TYW1: variants seen among roughly 807,000 people sequenced by gnomAD.
TYW1 encodes the protein tRNA-yW synthesizing protein 1 homolog.
TYW1 carries 46 observed loss-of-function variants against 96.2 expected under a neutral mutation model. The observed-to-expected ratio is 0.48, with a 90% CI of 0.38 to 0.61. The LOEUF is 0.61. Ranked by LOEUF, TYW1 falls within the 20% of genes least tolerant of loss-of-function variation. The pLI, the probability that TYW1 is intolerant of heterozygous loss-of-function variation, is 0.00. For synonymous variants in TYW1, 274 were observed against 323.0 expected, an observed-to-expected ratio of 0.85 and a Z score of 1.63; for missense variants, 684 against 909.6, an observed-to-expected ratio of 0.75 and a Z score of 3.19.
chr7:67,180,936 G>T (rs1370102624), intron 13 of TYW1, among the ~76,000 whole-genome samples: 2 of 151,964 alleles, frequency 1.3e-5, no homozygotes, highest in East Asian at 3.8e-4. Flanking sequence ...GAGCCACTGC[G>T]TCCGGCCCCT....
At chr7:67,095,003 A>ATTTTT (rs71049498) in intron 11 of TYW1, among the ~76,000 whole-genome samples, 1 of 145,760 alleles carries the variant, frequency 6.9e-6, no homozygotes. Flanking sequence ...AAACTGCATG[A>ATTTTT]TTTTTTTTTT....
intron 3 of TYW1, among the ~76,000 whole-genome samples, chr7:67,008,808 G>C (rs1267490298): frequency 6.6e-6 from 1 of 152,024 alleles, no homozygotes; most frequent in Non-Finnish European, 1.5e-5. Context: ...GATTATAGGT[G>C]TGTGCCACCA....
At chr7:66,997,884 C>T (rs1793241924) in intron 1 of TYW1, among the ~76,000 whole-genome samples, 181 bp from the exon 2 acceptor site, 1 of 152,208 alleles carries the variant, frequency 6.6e-6, no homozygotes, top group Non-Finnish European at 1.5e-5. Context: ...CCGCCTCAGC[C>T]ACCCAAAGTG....
At chr7:67,033,848 C>T (rs544385528) in intron 7 of TYW1, among the ~76,000 whole-genome samples, 1 of 151,950 alleles carries the variant, frequency 6.6e-6, no homozygotes, top group African/African-American at 2.4e-5. Flanking sequence ...GCGCCTGCAA[C>T]CATGCCTGGC....
intron 13 of TYW1, among the ~76,000 whole-genome samples, chr7:67,165,756 C>T (rs1405257135): frequency 2.0e-5 from 3 of 151,734 alleles, no homozygotes; most frequent in East Asian, 1.9e-4. Flanking sequence ...AGCAAAACCT[C>T]GTCTCTACAA....
At chr7:67,077,754 CTATT>C (rs1239979511) in intron 10 of TYW1, among the ~76,000 whole-genome samples, 4 of 152,056 alleles carry the variant, frequency 2.6e-5, no homozygotes, top group African/African-American at 4.8e-5. Context: ...TGATATCATC[CTATT>C]TATTTGTTTT....
intron 13 of TYW1, among the ~76,000 whole-genome samples, chr7:67,132,386 A>G (rs1346884798): frequency 6.6e-6 from 1 of 152,144 alleles, no homozygotes; most frequent in Non-Finnish European, 1.5e-5. Flanking sequence ...CTGGGATTAC[A>G]GACGTGATCT....
At position 67,024,914 on chromosome 7, in the gene TYW1, T is replaced by C. The variant is rs1398536504; in HGVS notation, c.876T>C (p.Phe292=). 2.5e-6 allele frequency: 4 copies of C among 1,613,862 alleles called. No homozygotes were observed. Among genetic ancestry groups the C allele is most frequent in the Admixed American group, 3.3e-5 (2 of 59,990 alleles). ...HHRDTEEEEP[F]ESSSEEEFGG... Reference sequence around the variant, plus strand: ...TTCTCTTCCAGGAGGAAGAACCCTTTGAGAGCTCCAGTGAAGAAGAGTTTG... The same window carrying C: ...TTCTCTTCCAGGAGGAAGAACCCTTCGAGAGCTCCAGTGAAGAAGAGTTTG... The change falls in exon 7 of 16, where the codon TTT becomes TTC. Residue 292 remains phenylalanine (F), a synonymous_variant. Transcript: ENST00000359626.
Position 66,996,869 on chromosome 7 carries a change from C to T in TYW1, c.-110C>T. ...ATGGCTGCCCACAGGTCTGCAGGCA[C>T]TCGGTACGCCGCTAACGCGGCGAGG... is the stretch of plus-strand genomic sequence containing the variant. On this transcript the variant is annotated 5_prime_UTR_variant, in exon 1 of 16. Coordinates refer to ENST00000359626, the MANE Select transcript of TYW1 (RefSeq NM_018264.4). 1.3e-6 allele frequency: 2 copies of T among 1,582,220 alleles called. No homozygotes were observed. The highest frequency in any genetic ancestry group is 1.7e-6 in the Non-Finnish European group (2 of 1,163,042).
chr7:67,103,791 A>G (rs1283343705), intron 12 of TYW1, among the ~76,000 whole-genome samples: 1 of 152,236 alleles, frequency 6.6e-6, no homozygotes, highest in Non-Finnish European at 1.5e-5. Context: ...TTTATACAGC[A>G]AGTCAGCTCA....
chr7:67,185,621 G>A (rs1799994146), intron 14 of TYW1, among the ~76,000 whole-genome samples: 1 of 152,072 alleles, frequency 6.6e-6, no homozygotes, highest in Admixed American at 6.6e-5. Flanking sequence ...ACATATTTGG[G>A]GAGAAATGTT....
At chr7:67,087,589 C>T (rs13309864) in intron 11 of TYW1, among the ~76,000 whole-genome samples, 10 of 145,722 alleles carry the variant, frequency 6.9e-5, no homozygotes, top group African/African-American at 1.6e-4. Flanking sequence ...ATTCCTACAA[C>T]GGATTTTTTT....
chr7:67,027,712 C>T (rs1387280226), intron 7 of TYW1, among the ~76,000 whole-genome samples: 17 of 151,986 alleles, frequency 1.1e-4, no homozygotes, highest in African/African-American at 4.1e-4. Flanking sequence ...AGGCAGATCA[C>T]GAGGTCAGGT....
intron 7 of TYW1, among the ~76,000 whole-genome samples, chr7:67,029,412 T>TATATATACACATATATATATATAC (rs1562973590): frequency 2.9e-5 from 4 of 139,300 alleles, no homozygotes; most frequent in East Asian, 2.1e-4. Flanking sequence ...TGTGTGTGTG[T>TATATATACACATATATATATATAC]GTGTATATAT....
chr7:67,124,007 C>T (rs537561073), intron 13 of TYW1, among the ~76,000 whole-genome samples: 1,702 of 152,056 alleles, frequency 0.011, 13 homozygotes, highest in Non-Finnish European at 0.015. Flanking sequence ...ACCAAGAGTA[C>T]CAATAATAAA....
intron 13 of TYW1, among the ~76,000 whole-genome samples, chr7:67,135,302 GTTTTTTTTTT>G (rs869257148): frequency 8.9e-6 from 1 of 111,816 alleles, no homozygotes; most frequent in Non-Finnish European, 1.7e-5. Flanking sequence ...TGTTAAAACA[GTTTTTTTTTT>G]TTTTTTTTTT....
chr7:67,148,349 TA>T (rs1277997565), intron 13 of TYW1, among the ~76,000 whole-genome samples: 73 of 144,268 alleles, frequency 5.1e-4, no homozygotes, highest in South Asian at 4.3e-4. Context: ...GTCGTAAGAT[TA>T]AAAAAAAAAA....
At position 67,231,967 on chromosome 7, in the gene TYW1, C is replaced by T. The variant is rs150384134; in HGVS notation, c.1978-6341C>T. ...CTTTTTTGTCAGGTGCAGTAGCTCA[C>T]GCCTGTTATCCCAGCACTTTGGGAG... On this transcript the variant is annotated intron_variant, in intron 15 of 15. Transcript: ENST00000359626. 4.1e-3 allele frequency among the ~76,000 whole-genome samples: 623 copies of T among 152,234 alleles called. 3 individuals are homozygous for T. Among genetic ancestry groups the T allele is most frequent in the Admixed American group, 7.9e-3 (121 of 15,288 alleles).
intron 13 of TYW1, among the ~76,000 whole-genome samples, chr7:67,146,289 T>C (rs766222194): frequency 2.0e-5 from 3 of 152,178 alleles, no homozygotes; most frequent in Non-Finnish European, 4.4e-5. Context: ...TGCCTTCTTA[T>C]GTTTGCATAA....
Sources: gnomAD v4.1 joint callset for allele counts (sites outside exome capture counted in the v4.1 genomes callset) on GRCh38, gnomAD v4.1.1 for gene constraint, MANE v1.5 for transcripts, NCBI Gene and HGNC (gene_info 2026-07-23, HGNC 2026-07-21) for gene names.